SEC24D: variants seen among roughly 807,000 people sequenced by gnomAD.
The protein encoded by SEC24D is SEC24 homolog D, COPII component, also known as protein transport protein Sec24D.
In SEC24D, 69 loss-of-function variants were observed where a neutral mutation model predicts 116.9. The observed-to-expected ratio is 0.59, with a 90% confidence interval of 0.49 to 0.72. SEC24D has a LOEUF of 0.72. Ranked by LOEUF, SEC24D falls within the 30% of genes least tolerant of loss-of-function variation. The pLI is 0.00. For missense variants in SEC24D, 1,131 were observed against 1,264.1 expected (o/e 0.89, Z 1.60); for synonymous variants, 405 against 442.8 (o/e 0.91, Z 1.07).
intron 13 of SEC24D, among the ~76,000 whole-genome samples, chr4:118,751,149 G>A (rs1261171115): frequency 1.4e-5 from 2 of 146,938 alleles, no homozygotes; most frequent in African/African-American, 4.9e-5. Context: ...CTTGTGTTAA[G>A]GTAATAATGA....
intron 10 of SEC24D, 63 bp downstream of exon 10, chr4:118,764,739 T>C: frequency 1.1e-6 from 1 of 943,532 alleles, no homozygotes; most frequent in Non-Finnish European, 1.7e-6. Flanking sequence ...TCTTTACATA[T>C]GAAAGTTATT....
chr4:118,745,418 A>G (rs1726468909), intron 13 of SEC24D, among the ~76,000 whole-genome samples: 1 of 152,222 alleles, frequency 6.6e-6, no homozygotes, highest in Non-Finnish European at 1.5e-5. Context: ...GGTAAATCCC[A>G]TAATGTAAAG....
intron 21 of SEC24D, chr4:118,730,151 T>C (rs550590951): frequency 6.6e-6 from 1 of 152,360 alleles, no homozygotes; most frequent in South Asian, 2.1e-4. Flanking sequence ...CATTCAGCAT[T>C]TACTATGTCA....
intron 8 of SEC24D, among the ~76,000 whole-genome samples, chr4:118,787,769 C>T (rs935523413): frequency 2.0e-5 from 3 of 152,064 alleles, no homozygotes; most frequent in East Asian, 1.9e-4. Flanking sequence ...GATTGTACAC[C>T]GTACTCCAGC....
At chr4:118,731,787 G>C (rs1212686543) in intron 20 of SEC24D, among the ~76,000 whole-genome samples, 2 of 152,180 alleles carry the variant, frequency 1.3e-5, no homozygotes, top group Non-Finnish European at 2.9e-5. Flanking sequence ...GGGATGGGGT[G>C]TGTCGCTGAT....
intron 6 of SEC24D, 66 bp from the exon 7 acceptor site, chr4:118,806,020 G>A: frequency 9.9e-7 from 1 of 1,005,164 alleles, no homozygotes; most frequent in Non-Finnish European, 1.5e-6. Flanking sequence ...TCCATTTAGA[G>A]AGTACCCTTG....
intron 9 of SEC24D, among the ~76,000 whole-genome samples, chr4:118,767,226 A>T (rs1018716716): frequency 5.3e-5 from 8 of 152,242 alleles, no homozygotes; most frequent in Admixed American, 5.2e-4. Context: ...CAGGGAAATA[A>T]GAAGGCAAGC....
intron 22 of SEC24D, among the ~76,000 whole-genome samples, chr4:118,725,191 C>T (rs1484238299): frequency 2.6e-5 from 4 of 152,136 alleles, no homozygotes; most frequent in Non-Finnish European, 5.9e-5. Context: ...CATGTGGATA[C>T]AGATATGTGT....
chr4:118,730,464 T>C lies in SEC24D; in HGVS notation c.2868+852A>G, dbSNP rs1244044485. ...CTCTTTCTGCAAGATGCTATATATA[T>C]TGATAAACTGTACTTCATACAATTG... On this transcript the variant is annotated intron_variant, in intron 21 of 22. Coordinates refer to ENST00000280551, the MANE Select transcript of SEC24D (RefSeq NM_014822.4). 3.3e-5 allele frequency: 5 copies of C among 152,200 alleles called. No homozygotes were observed. The East Asian group carries it at 9.6e-4, about 29-fold the overall frequency. The allele number at this position is 152,200 out of a possible 1,614,324, so 9.4% of individuals were successfully genotyped here.
chr4:118,782,524 AGGTGTCTCCCCAGTTAGGCTACATGGGG>A (rs1489701859), intron 8 of SEC24D, among the ~76,000 whole-genome samples: 1 of 152,154 alleles, frequency 6.6e-6, no homozygotes, highest in African/African-American at 2.4e-5. Flanking sequence ...CAGTCCCAGT[AGGTGTCTCCCCAGTTAGGCTACATGGGG>A]GTCAGGGACC....
intron 11 of SEC24D, among the ~76,000 whole-genome samples, chr4:118,756,045 A>G (rs1356383203): frequency 1.3e-5 from 2 of 152,150 alleles, no homozygotes; most frequent in Non-Finnish European, 2.9e-5. Flanking sequence ...CAGCATTGAT[A>G]AGGAACAAGG....
chr4:118,812,484 G>A (rs540595377), intron 6 of SEC24D, among the ~76,000 whole-genome samples: 38 of 152,268 alleles, frequency 2.5e-4, no homozygotes, highest in African/African-American at 7.5e-4. Context: ...GCAGCCAGAC[G>A]TGGAGAGGAG....
chr4:118,819,530 CAAAAAAAA>C (rs373794417), intron 3 of SEC24D, among the ~76,000 whole-genome samples: 2 of 60,928 alleles, frequency 3.3e-5, no homozygotes, highest in South Asian at 1.4e-3. Context: ...GACCCCGTCT[CAAAAAAAA>C]AAAAAAAAAA....
In SEC24D at chr4:118,728,519, TTTAACATTTGAATAAAGGGAAAAATA is replaced by T; in HGVS notation, c.2958+16_2958+41del. On this transcript the variant is annotated intron_variant, in intron 22 of 22. Coordinates refer to ENST00000280551, the MANE Select transcript of SEC24D (RefSeq NM_014822.4). ...TGCATGTTAAGTCTTTAATGAAATT[TTTAACATTTGAATAAAGGGAAAAATA>T]AAATTGCTTTCTTACCTTCATTGAA... The T allele has an allele frequency of 7.8e-7, 1 of 1,284,842 alleles. No homozygotes were observed. The highest frequency in any genetic ancestry group is 1.1e-6 in the Non-Finnish European group (1 of 899,716). The allele number at this position is 1,284,842 out of a possible 1,614,324, so 79.6% of individuals were successfully genotyped here.
chr4:118,730,936 C>T, intron 21 of SEC24D: 1 of 255,378 alleles, frequency 3.9e-6, no homozygotes, highest in South Asian at 4.3e-5. Flanking sequence ...CACTTTACTA[C>T]CTGAAGGAAC....
At chr4:118,739,602 T>A (rs1292894502) in intron 17 of SEC24D, among the ~76,000 whole-genome samples, 1 of 152,138 alleles carries the variant, frequency 6.6e-6, no homozygotes, top group African/African-American at 2.4e-5. Context: ...TTACCAGGGA[T>A]CCAGGGGCAG....
At chr4:118,741,310 G>C (rs935474668) in intron 15 of SEC24D, among the ~76,000 whole-genome samples, 2 of 152,172 alleles carry the variant, frequency 1.3e-5, no homozygotes, top group African/African-American at 4.8e-5. Context: ...AAAATTAAGA[G>C]AGCATAAGTG....
chr4:118,821,848 C>T (rs991380968), intron 3 of SEC24D, among the ~76,000 whole-genome samples: 4 of 152,218 alleles, frequency 2.6e-5, no homozygotes, highest in Non-Finnish European at 5.9e-5. Context: ...AGCATGGTAA[C>T]CAGGAAGGCT....
intron 6 of SEC24D, 25 bp from the exon 7 acceptor site, chr4:118,805,979 C>T (rs780561025): frequency 4.0e-5 from 59 of 1,480,796 alleles, no homozygotes; most frequent in South Asian, 1.7e-4. Context: ...ATCAAGAGCC[C>T]GTTAAAGTAG....
Sources: gnomAD v4.1 joint callset for allele counts (sites outside exome capture counted in the v4.1 genomes callset) on GRCh38, gnomAD v4.1.1 for gene constraint, MANE v1.5 for transcripts, NCBI Gene and HGNC (gene_info 2026-07-23, HGNC 2026-07-21) for gene names.